VEZT: variants seen among roughly 807,000 people sequenced by gnomAD.
The protein encoded by VEZT is vezatin.
VEZT carries 39 observed loss-of-function variants against 79.9 expected under a neutral mutation model. The ratio of observed to expected loss-of-function variants is 0.49; its 90% CI spans 0.38 to 0.64. The LOEUF is 0.64. VEZT is among the 30% of genes least tolerant of loss of function. The pLI, the probability that VEZT is intolerant of heterozygous loss-of-function variation, is 0.00. For missense variants in VEZT, 837 were observed against 893.1 expected, an observed-to-expected ratio of 0.94 and a Z score of 0.80; for synonymous variants, 325 against 327.6, an observed-to-expected ratio of 0.99 and a Z score of 0.09.
At position 95,266,343 on chromosome 12, in the gene VEZT, T is replaced by A; in HGVS notation, c.435-14T>A. 1 of 1,599,546 alleles carries A rather than the reference T, an allele frequency of 6.3e-7. No individual in the cohort carries two copies. The highest frequency in any genetic ancestry group is 8.5e-7 in the Non-Finnish European group (1 of 1,170,332). ...AATCTGATGCATATCATTTTCTTCCTTTCTTGTTCCCAGGGATCTCTCAAT... is the reference window on the plus strand; with the variant it reads ...AATCTGATGCATATCATTTTCTTCCATTCTTGTTCCCAGGGATCTCTCAAT... On this transcript the variant is annotated splice_polypyrimidine_tract_variant and intron_variant, in intron 4 of 11. Coordinates refer to ENST00000436874, the MANE Select transcript of VEZT (RefSeq NM_017599.4).
At chr12:95,257,002 G>A (rs1488080295) in intron 2 of VEZT, 148 bp from the exon 3 acceptor site, 1 of 582,288 alleles carries the variant, frequency 1.7e-6, no homozygotes, top group African/African-American at 1.9e-5. Context: ...AGGAGGCTGA[G>A]ATGTACTGAC....
In VEZT at chr12:95,222,624, T is replaced by G. The variant is rs76338011; in HGVS notation, c.36+4738T>G. On this transcript the variant is annotated intron_variant, in intron 1 of 11. Coordinates refer to ENST00000436874, the MANE Select transcript of VEZT (RefSeq NM_017599.4). ...TTTCTTCAGGATTGCCTTTGGCTAT[T>G]CTTGGCCCATTATATTTCCATATAA... Among the ~76,000 whole-genome samples, 835 of 152,328 alleles carry G rather than the reference T, an allele frequency of 5.5e-3. 38 individuals are homozygous for G. In the East Asian group the frequency reaches 0.13, roughly 25 times the overall value.
chr12:95,251,709 G>C (rs1174454876), intron 1 of VEZT, among the ~76,000 whole-genome samples: 2 of 151,982 alleles, frequency 1.3e-5, no homozygotes, highest in Non-Finnish European at 2.9e-5. Context: ...AAAAAAATCT[G>C]TGTGTTTTAT....
intron 1 of VEZT, among the ~76,000 whole-genome samples, chr12:95,230,251 A>G (rs1037036068): frequency 2.6e-5 from 4 of 152,106 alleles, no homozygotes; most frequent in South Asian, 2.1e-4. Context: ...TTGAAACAAT[A>G]TATTTGAGGA....
Position 95,296,117 on chromosome 12 carries a change from T to C in VEZT, c.1690T>C (p.Leu564=), listed in dbSNP as rs1272509017. The C allele has an allele frequency of 2.6e-6, 4 of 1,562,276 alleles. No individual in the cohort carries two copies. The South Asian group carries it at 4.7e-5, about 18-fold the overall frequency. Residue 564 remains leucine, a synonymous_variant, in exon 11 of 12, where the codon TTG becomes CTG. Transcript: ENST00000436874. ...TTTCAGAAAGGATGATTTTTATTAC[T>C]TGTCTCAAGAAGACAAAGAGAGACA... is the stretch of plus-strand genomic sequence containing the variant. The part of the protein sequence containing the change: ...SDFRKDDFYY[L]SQEDKERQKR...
chr12:95,223,027 G>A (rs568583806), intron 1 of VEZT, among the ~76,000 whole-genome samples: 43 of 152,320 alleles, frequency 2.8e-4, no homozygotes, highest in Non-Finnish European at 4.3e-4. Context: ...GAAAGGCAGT[G>A]TAATATAGTT....
intron 9 of VEZT, chr12:95,290,940 G>T (rs1216377855): frequency 6.6e-6 from 1 of 152,012 alleles, no homozygotes; most frequent in Non-Finnish European, 1.5e-5. Context: ...CCATAGAAAA[G>T]AATCTCCAGT....
In VEZT at chr12:95,296,148, G is replaced by A. The variant is rs142493303; in HGVS notation, c.1721G>A (p.Arg574His). 876 of 1,571,880 alleles carry A rather than the reference G, an allele frequency of 5.6e-4. 5 individuals are homozygous for A. The African/African-American group carries it at 1.0e-2, about 18-fold the overall frequency. ...LSQEDKERQK[R>H]EHEESKRVLQ... ...CAAGAAGACAAAGAGAGACAGAAGC[G>A]TGAGCATGAAGAATCCAAGAGGGTG... Residue 574 changes from arginine to histidine, a missense_variant, in exon 11 of 12, where the codon CGT becomes CAT. Physicochemically the swap from Arg to His is conservative, Grantham distance 29. Transcript: ENST00000436874.
At chr12:95,292,716 T>C (rs2073216494) in intron 9 of VEZT, among the ~76,000 whole-genome samples, 1 of 151,908 alleles carries the variant, frequency 6.6e-6, no homozygotes, top group Admixed American at 6.6e-5. Context: ...ACCCAGCTAA[T>C]TTTTGTGTTT....
intron 1 of VEZT, among the ~76,000 whole-genome samples, chr12:95,227,334 CTTTTT>C (rs62891361): frequency 4.0e-5 from 5 of 126,106 alleles, no homozygotes; most frequent in Non-Finnish European, 6.5e-5. Flanking sequence ...CTAATTTTTT[CTTTTT>C]TTTTTTTTTT....
At chr12:95,254,024 A>C (rs1228347926) in intron 2 of VEZT, among the ~76,000 whole-genome samples, 4 of 152,150 alleles carry the variant, frequency 2.6e-5, no homozygotes, top group African/African-American at 7.2e-5. Context: ...CCTGTCACCC[A>C]GGCTGGAATG....
At chr12:95,227,430 T>C (rs1269780937) in intron 1 of VEZT, among the ~76,000 whole-genome samples, 1 of 146,280 alleles carries the variant, frequency 6.8e-6, no homozygotes, top group Non-Finnish European at 1.5e-5. Context: ...AACCTCCACC[T>C]CCCGGGTTCA....
In VEZT at chr12:95,300,345, G is replaced by A. The variant is rs1181619761; in HGVS notation, c.2012G>A (p.Gly671Asp). 1 of 1,612,278 alleles carries A rather than the reference G, an allele frequency of 6.2e-7. No homozygotes were observed. The highest frequency in any genetic ancestry group is 1.1e-5 in the South Asian group (1 of 90,602). Reference protein sequence around the residue: ...TEYLCENSLEGKNKDNSSNEV... With the variant: ...TEYLCENSLEDKNKDNSSNEV... ...TATTTATGTGAAAACTCTCTAGAAG[G>A]TAAAAATAAAGATAATTCTTCAAAT... Residue 671 changes from glycine (G) to aspartate (D), a missense_variant, in exon 12 of 12, where the codon GGT becomes GAT. By Grantham distance (94) the Gly-to-Asp change is moderately conservative. Coordinates refer to ENST00000436874, the MANE Select transcript of VEZT (RefSeq NM_017599.4).
chr12:95,287,147 A>G (rs1317796485), intron 8 of VEZT, among the ~76,000 whole-genome samples: 2 of 152,240 alleles, frequency 1.3e-5, no homozygotes, highest in Non-Finnish European at 2.9e-5. Flanking sequence ...TTGAATAAAT[A>G]TGTAATACTC....
Position 95,302,781 on chromosome 12 carries a change from T to C in VEZT, c.*2108T>C, listed in dbSNP as rs1000315505. On this transcript the variant is annotated 3_prime_UTR_variant, in exon 12 of 12. Transcript: ENST00000436874. ...GGTAATGTTTATGTCCAATAAAATC[T>C]AGGAACCTCTGTCTGGAACTTTGCT... 19 of 152,336 alleles carry C rather than the reference T, an allele frequency of 1.2e-4. No homozygotes were observed. The highest frequency in any genetic ancestry group is 4.1e-4 in the African/African-American group (17 of 41,574). 9.4% of individuals were successfully genotyped at this position (152,336 alleles called of 1,614,324 possible).
chr12:95,239,815 G>A (rs1389220990), intron 1 of VEZT, among the ~76,000 whole-genome samples: 1 of 152,086 alleles, frequency 6.6e-6, no homozygotes, highest in Non-Finnish European at 1.5e-5. Flanking sequence ...AGCCAGGTGT[G>A]GTGGCACATG....
chr12:95,263,017 C>T lies in VEZT; in HGVS notation c.370C>T (p.Gln124Ter). Residue 124 changes from glutamine to a stop codon, truncating the protein, a stop_gained, in exon 4 of 12, where the codon CAA (glutamine) becomes TAA (stop). Transcript: ENST00000436874. LOFTEE classifies it high-confidence loss of function. ...LLDPSILSAG[Q>*]SQQQENGHLP... ...TGATCCCAGTATCCTGTCTGCAGGG[C>T]AATCTCAACAACAGGAAAATGGACA... 6.2e-7 allele frequency: 1 copy of T among 1,613,048 alleles called. No individual in the cohort carries two copies. The highest frequency in any genetic ancestry group is 8.5e-7 in the Non-Finnish European group (1 of 1,179,172).
rs748463385 is a variant in VEZT, at chr12:95,296,086, T to C, written c.1659T>C (p.Asp553=). ...LEAYVDDIDI[D]SDFRKDDFYY... ...CTTATGTAGATGATATAGATATTGA[T>C]AGTGATTTCAGAAAGGATGATTTTT... The change falls in exon 11 of 12, where the codon GAT becomes GAC. Residue 553 remains aspartate (D), a synonymous_variant. Coordinates refer to ENST00000436874, the MANE Select transcript of VEZT (RefSeq NM_017599.4). The C allele has an allele frequency of 1.1e-5, 17 of 1,557,104 alleles. No homozygotes were observed. The highest frequency in any genetic ancestry group is 7.1e-5 in the East Asian group (3 of 42,040).
At chr12:95,237,150 A>G (rs1009282231) in intron 1 of VEZT, among the ~76,000 whole-genome samples, 8 of 152,160 alleles carry the variant, frequency 5.3e-5, no homozygotes, top group African/African-American at 1.9e-4. Context: ...TGAATCTGTC[A>G]GGTTTTTCCA....
Sources: allele counts gnomAD v4.1 joint callset (sites outside exome capture counted in the v4.1 genomes callset), GRCh38; gene constraint gnomAD v4.1.1; transcripts MANE v1.5; gene names NCBI Gene and HGNC (gene_info 2026-07-23, HGNC 2026-07-21).